The following LRRC40 variants were observed in gnomAD, a reference collection of about 807,000 sequenced individuals.
The protein encoded by LRRC40 is leucine-rich repeat-containing protein 40.
A neutral mutation model predicts 72.8 loss-of-function variants in LRRC40; 76 were observed. That is an observed-to-expected ratio of 1.04 (90% CI 0.87 to 1.26). The LOEUF (loss-of-function observed/expected upper bound fraction) is 1.26. Ranked by LOEUF, LRRC40 falls within the 50% of genes most tolerant of loss-of-function variation. The probability of loss-of-function intolerance (pLI) is 0.00; values close to 1 mark genes in which losing one functional copy is unlikely to be tolerated. For missense variants in LRRC40, 684 were observed against 698.9 expected, an observed-to-expected ratio of 0.98 and a Z score of 0.24; for synonymous variants, 243 against 254.2, an observed-to-expected ratio of 0.96 and a Z score of 0.42.
chr1:70,152,425 A>T lies in LRRC40; in HGVS notation c.1439+8T>A. 3 of 1,388,956 alleles carry T rather than the reference A, an allele frequency of 2.2e-6. No homozygotes were observed. Among genetic ancestry groups the T allele is most frequent in the Non-Finnish European group, 3.1e-6 (3 of 980,056 alleles). The allele number at this position is 1,388,956 out of a possible 1,614,324, so 86.0% of individuals were successfully genotyped here. A position where few individuals can be genotyped will look rare whatever the true frequency, so the allele number is the denominator to read the frequency against. ...TTTAAAAAGTCAAGCAATAGTATCA[A>T]TAAATACCTGAGATCTAAAAAAGTC... On this transcript the variant is annotated splice_region_variant and intron_variant, in intron 12 of 14. Transcript: ENST00000370952.
chr1:70,183,567 T>C (rs369888127), intron 4 of LRRC40, among the ~76,000 whole-genome samples: 47 of 152,196 alleles, frequency 3.1e-4, no homozygotes, highest in East Asian at 2.3e-3. Flanking sequence ...CTCTCTCTCT[T>C]TTTTTGAGAC....
intron 2 of LRRC40, among the ~76,000 whole-genome samples, chr1:70,188,773 C>T (rs1413034769): frequency 6.6e-6 from 1 of 152,164 alleles, no homozygotes; most frequent in Non-Finnish European, 1.5e-5. Flanking sequence ...TTGATTCTGT[C>T]TGTATTCATT....
chr1:70,182,672 AAT>A (rs1235093841), intron 4 of LRRC40, among the ~76,000 whole-genome samples: 1 of 152,092 alleles, frequency 6.6e-6, no homozygotes, highest in African/African-American at 2.4e-5. Context: ...ATAAAACATA[AAT>A]ACACTATATA....
chr1:70,167,306 T>C lies in LRRC40; in HGVS notation c.1111+6159A>G, dbSNP rs369552188. Among the ~76,000 whole-genome samples, 17 of 150,170 alleles carry C rather than the reference T, an allele frequency of 1.1e-4. No homozygotes were observed. The East Asian group carries it at 3.0e-3, about 27-fold the overall frequency. On this transcript the variant is annotated intron_variant, in intron 9 of 14. Transcript: ENST00000370952. ...TGAGCGTGGTGGCTCATGCCTATAA[T>C]CCCAGCACTTTGAGAGGCTAAGGCA... is the stretch of plus-strand genomic sequence containing the variant.
At chr1:70,178,636 A>AT (rs1335732603) in intron 6 of LRRC40, among the ~76,000 whole-genome samples, 2 of 152,050 alleles carry the variant, frequency 1.3e-5, no homozygotes, top group Non-Finnish European at 2.9e-5. Flanking sequence ...ACAAATCTCT[A>AT]TTTTTTAAAT....
intron 9 of LRRC40, among the ~76,000 whole-genome samples, chr1:70,170,407 A>C (rs1240737099): frequency 6.6e-6 from 1 of 152,210 alleles, no homozygotes; most frequent in Non-Finnish European, 1.5e-5. Flanking sequence ...CAAGAAAAGG[A>C]ATAAAAGGCA....
At chr1:70,155,555 T>C in intron 11 of LRRC40, 134 bp downstream of exon 11, 1 of 406,344 alleles carries the variant, frequency 2.5e-6, no homozygotes, top group East Asian at 3.6e-5. Context: ...TAAATCCCTC[T>C]AATATTAATA....
At chr1:70,201,687 T>C (rs188235555) in intron 1 of LRRC40, among the ~76,000 whole-genome samples, 33 of 152,074 alleles carry the variant, frequency 2.2e-4, no homozygotes, top group South Asian at 8.3e-4. Context: ...GATAACACAA[T>C]ACAGGCCGGG....
At chr1:70,186,242 C>T (rs1309239866) in intron 3 of LRRC40, among the ~76,000 whole-genome samples, 1 of 152,060 alleles carries the variant, frequency 6.6e-6, no homozygotes, top group East Asian at 1.9e-4. Flanking sequence ...TCACTGAGAA[C>T]ACACCTACAT....
chr1:70,188,594 G>C (rs1322847271), intron 2 of LRRC40, among the ~76,000 whole-genome samples: 18 of 151,870 alleles, frequency 1.2e-4, no homozygotes, highest in Admixed American at 1.2e-3. Flanking sequence ...AAAATAGCCG[G>C]GTGTGGTGGC....
intron 14 of LRRC40, chr1:70,147,935 A>C (rs1017364500): frequency 6.6e-6 from 1 of 152,154 alleles, no homozygotes; most frequent in Non-Finnish European, 1.5e-5. Context: ...AATCGTACAA[A>C]TAAGTCCAAA....
Position 70,174,454 on chromosome 1 carries a change from G to A in LRRC40, c.978-745C>T, listed in dbSNP as rs1453282220. 2.0e-5 allele frequency among the ~76,000 whole-genome samples: 3 copies of A among 152,002 alleles called. No homozygotes were observed. In the East Asian group the frequency reaches 5.8e-4, roughly 29 times the overall value. The stretch of plus-strand genomic sequence containing the variant: ...CACACTGCTACACGTTTACTCAGGA[G>A]AAATGAAAATAATGTCCACACAGAA... On this transcript the variant is annotated intron_variant, in intron 7 of 14. Transcript: ENST00000370952.
rs769872558 is a variant in LRRC40 at position 70,189,111 on chromosome 1, G to C, written c.314C>G (p.Pro105Arg). 1 of 1,613,172 alleles carries C rather than the reference G, an allele frequency of 6.2e-7. No homozygotes were observed. The highest frequency in any genetic ancestry group is 1.1e-5 in the South Asian group (1 of 91,008). The change falls in exon 2 of 15, where the codon CCT (proline) becomes CGT (arginine). Residue 105 changes from proline (P) to arginine (R), a missense_variant. Physicochemically the swap from Pro to Arg is moderately radical, Grantham distance 103. Coordinates refer to ENST00000370952, the MANE Select transcript of LRRC40 (RefSeq NM_017768.5). ...QSLTDDLRLLPALTVLDIHDN... is the reference protein window; with the variant it reads ...QSLTDDLRLLRALTVLDIHDN... ...ACTTACATCAAGAACAGTCAGTGCA[G>C]GCAAGAGTCGCAGGTCATCTGTAAG...
rs966520351 is a variant in LRRC40, at chr1:70,178,982, A to T, written c.673T>A (p.Leu225Met). 4 of 1,596,956 alleles carry T rather than the reference A, an allele frequency of 2.5e-6. No individual in the cohort carries two copies. The highest frequency in any genetic ancestry group is 3.4e-6 in the Non-Finnish European group (4 of 1,169,808). The change falls in exon 6 of 15, where the codon TTG becomes ATG. Residue 225 changes from leucine to methionine, a missense_variant. Physicochemically the swap from Leu to Met is conservative, Grantham distance 15. Coordinates refer to ENST00000370952, the MANE Select transcript of LRRC40 (RefSeq NM_017768.5). ...TCCAAGAGATTTGAATTACAATCCA[A>T]ATGCTTCAACCCTGTAATATATATT... is the stretch of plus-strand genomic sequence containing the variant. ...EINRMKRLKH[L>M]DCNSNLLETI...
chr1:70,159,110 C>T (rs1210440853), intron 10 of LRRC40, among the ~76,000 whole-genome samples: 1 of 151,970 alleles, frequency 6.6e-6, no homozygotes, highest in Non-Finnish European at 1.5e-5. Flanking sequence ...CATCAATTGT[C>T]CTTTTTACTG....
At chr1:70,151,540 A>C (rs1267381931) in intron 12 of LRRC40, among the ~76,000 whole-genome samples, 2 of 152,114 alleles carry the variant, frequency 1.3e-5, no homozygotes, top group Non-Finnish European at 2.9e-5. Context: ...ATAATACCAC[A>C]TAAATATTCC....
intron 9 of LRRC40, among the ~76,000 whole-genome samples, chr1:70,164,646 G>A (rs1667840858): frequency 1.3e-5 from 2 of 152,240 alleles, no homozygotes; most frequent in South Asian, 4.1e-4. Flanking sequence ...AAACTGGGGA[G>A]GCTTTAGAAT....
At chr1:70,202,866 T>TG (rs1375320506) in intron 1 of LRRC40, among the ~76,000 whole-genome samples, 3 of 152,066 alleles carry the variant, frequency 2.0e-5, no homozygotes, top group African/African-American at 7.2e-5. Context: ...TATGGTTGTT[T>TG]GGGGGAAAGG....
At chr1:70,160,930 A>G (rs1667744439) in intron 9 of LRRC40, among the ~76,000 whole-genome samples, 1 of 152,118 alleles carries the variant, frequency 6.6e-6, no homozygotes. Flanking sequence ...AACCACACCA[A>G]AGTTAATTAC....
Sources: gnomAD v4.1 joint callset for allele counts (sites outside exome capture counted in the v4.1 genomes callset) on GRCh38, gnomAD v4.1.1 for gene constraint, MANE v1.5 for transcripts, NCBI Gene and HGNC (gene_info 2026-07-23, HGNC 2026-07-21) for gene names.